The following ACAP3 variants were observed in gnomAD, a reference collection of about 807,000 sequenced individuals.
ACAP3 encodes arf-GAP with coiled-coil, ANK repeat and PH domain-containing protein 3.
In ACAP3, 56 loss-of-function variants were observed where a neutral mutation model predicts 104.1. The ratio of observed to expected loss-of-function variants is 0.54; its 90% CI spans 0.43 to 0.67. ACAP3 has a LOEUF of 0.67. Among genes scored for constraint, ACAP3 ranks in the 30% least tolerant of loss-of-function variants. ACAP3 has a pLI of 0.00. For synonymous variants in ACAP3, 628 were observed against 496.2 expected (o/e 1.27, Z -3.53); for missense variants, 1,208 against 1,174.9 (o/e 1.03, Z -0.41).
At chr1:1,295,044 G>A in intron 19 of ACAP3, 1 of 573,140 alleles carries the variant, frequency 1.7e-6, no homozygotes, top group South Asian at 2.2e-5. Context: ...AGGCCTTTTG[G>A]GAAGCCCTTC....
intron 1 of ACAP3, 151 bp from the exon 2 acceptor site, chr1:1,304,294 G>T: frequency 1.1e-6 from 1 of 949,414 alleles, no homozygotes; most frequent in Non-Finnish European, 1.6e-6. Flanking sequence ...TACGGGGGCA[G>T]GACTGGGACC....
intron 15 of ACAP3, 23 bp from the exon 16 acceptor site, chr1:1,296,303 A>G (rs781059689): frequency 6.4e-7 from 1 of 1,552,022 alleles, no homozygotes; most frequent in Non-Finnish European, 8.7e-7. Context: ...GGTAGGGATG[A>G]GTCTGGGGGA....
intron 1 of ACAP3, among the ~76,000 whole-genome samples, chr1:1,306,524 G>A (rs180745936): frequency 6.6e-6 from 1 of 152,224 alleles, no homozygotes; most frequent in East Asian, 1.9e-4. Context: ...CAGGGCTGGC[G>A]GCCACTCTCC....
At position 1,294,320 on chromosome 1, in the gene ACAP3, G is replaced by A. The variant is rs1337248526; in HGVS notation, c.2139+82C>T. 14 of 1,518,828 alleles carry A rather than the reference G, an allele frequency of 9.2e-6. No individual in the cohort carries two copies. In the Admixed American group the frequency reaches 2.7e-4, roughly 30 times the overall value. The allele number at this position is 1,518,828 out of a possible 1,614,324, so 94.1% of individuals were successfully genotyped here. On this transcript the variant is annotated intron_variant, in intron 21 of 23. Coordinates refer to ENST00000354700, the MANE Select transcript of ACAP3 (RefSeq NM_030649.3). ...CGAACGTGGTCCCCACCGCGGACAG[G>A]CGACCCTTGTGTGGGCGCCACAGAA...
At chr1:1,294,678 G>A in intron 20 of ACAP3, 40 bp downstream of exon 20, 1 of 1,544,480 alleles carries the variant, frequency 6.5e-7, no homozygotes, top group Non-Finnish European at 8.7e-7. Context: ...CTGCCCAGGG[G>A]CTGGGCAGGG....
intron 19 of ACAP3, 47 bp from the exon 20 acceptor site, chr1:1,294,863 T>C (rs1471119309): frequency 2.0e-6 from 3 of 1,534,856 alleles, no homozygotes; most frequent in Non-Finnish European, 2.6e-6. Flanking sequence ...AGGCCCAGAC[T>C]CCGTCCAGAG....
At chr1:1,305,955 C>T (rs557253485) in intron 1 of ACAP3, 2 of 152,422 alleles carry the variant, frequency 1.3e-5, no homozygotes, top group South Asian at 4.1e-4. Context: ...CCCACCCTGC[C>T]TGGCCCCCCA....
intron 5 of ACAP3, among the ~76,000 whole-genome samples, chr1:1,301,258 C>CTTT (rs869238177): frequency 2.4e-4 from 25 of 105,406 alleles, no homozygotes; most frequent in Middle Eastern, 5.9e-3. Context: ...TTGGGGGTGT[C>CTTT]TTTTTTTTTT....
rs1475926896 is a variant in ACAP3 at position 1,294,642 on chromosome 1, G to C, written c.1913-14C>G. 1 of 1,530,708 alleles carries C rather than the reference G, an allele frequency of 6.5e-7. No individual in the cohort carries two copies. 94.8% of individuals were successfully genotyped at this position (1,530,708 alleles called of 1,614,324 possible). A position where few individuals can be genotyped will look rare whatever the true frequency, so the allele number is the denominator to read the frequency against. ...ACTCTGCACCCTCTGTGGGGAGGGG[G>C]CGGTCAGGGAAAGCAACCCCCGGGG... On this transcript the variant is annotated splice_polypyrimidine_tract_variant and intron_variant, in intron 20 of 23. Coordinates refer to ENST00000354700, the MANE Select transcript of ACAP3 (RefSeq NM_030649.3).
chr1:1,299,833 G>C lies in ACAP3; in HGVS notation c.736C>G (p.Arg246Gly). The C allele has an allele frequency of 6.5e-7, 1 of 1,546,634 alleles. No homozygotes were observed. The highest frequency in any genetic ancestry group is 1.4e-5 in the African/African-American group (1 of 73,172). ...MERKHAAIQQ[R>G]TLLQDFSYDE... ...GGGAGCCGGCTGCGCGGCCTCACCC[G>C]CTGCTGGATGGCGGCGTGCTTTCGC... Residue 246 changes from arginine to glycine, a missense_variant and splice_region_variant, in exon 9 of 24, where the codon CGG becomes GGG. Coordinates refer to ENST00000354700, the MANE Select transcript of ACAP3 (RefSeq NM_030649.3).
chr1:1,306,996 C>T (rs1641747225), intron 1 of ACAP3: 8 of 446,372 alleles, frequency 1.8e-5, no homozygotes, highest in Admixed American at 9.9e-5. Flanking sequence ...GAGGGAGGCA[C>T]GCAGAGGGGC....
chr1:1,299,823 G>T lies in ACAP3; in HGVS notation c.738+8C>A. 6.5e-7 allele frequency: 1 copy of T among 1,542,964 alleles called. No individual in the cohort carries two copies. ...CTGGTGTGCAGGGAGCCGGCTGCGC[G>T]GCCTCACCCGCTGCTGGATGGCGGC... On this transcript the variant is annotated splice_region_variant and intron_variant, in intron 9 of 23. Transcript: ENST00000354700.
At chr1:1,301,899 G>A (rs1465674099) in intron 5 of ACAP3, 89 bp downstream of exon 5, 19 of 1,287,446 alleles carry the variant, frequency 1.5e-5, no homozygotes, top group Non-Finnish European at 2.0e-5. Context: ...CTGGGCCCAA[G>A]GTGCCTCTGC....
At chr1:1,301,722 A>C (rs2100461275) in intron 5 of ACAP3, 5 of 315,908 alleles carry the variant, frequency 1.6e-5, no homozygotes, top group South Asian at 1.0e-4. Context: ...CCCAGACCCC[A>C]GCCATGCCCC....
chr1:1,300,213 G>A lies in ACAP3; in HGVS notation c.523-11C>T. The A allele has an allele frequency of 1.2e-6, 2 of 1,602,796 alleles. No homozygotes were observed. The highest frequency in any genetic ancestry group is 1.7e-6 in the Non-Finnish European group (2 of 1,174,142). On this transcript the variant is annotated splice_polypyrimidine_tract_variant and intron_variant, in intron 6 of 23. Transcript: ENST00000354700. ...CTGCAGAACATTGATCTGCCAGAGG[G>A]GGAGCCCACAGGTGAGCCCCGGAGG...
rs1051626938 is a variant in ACAP3, at chr1:1,293,234, G to A, written c.*330C>T. 9.1e-5 allele frequency: 17 copies of A among 187,786 alleles called. No individual in the cohort carries two copies. Among genetic ancestry groups the A allele is most frequent in the African/African-American group, 3.3e-4 (14 of 42,278 alleles). The allele number at this position is 187,786 out of a possible 1,614,324, so 11.6% of individuals were successfully genotyped here. A position where few individuals can be genotyped will look rare whatever the true frequency, so the allele number is the denominator to read the frequency against. On this transcript the variant is annotated 3_prime_UTR_variant, in exon 24 of 24. Coordinates refer to ENST00000354700, the MANE Select transcript of ACAP3 (RefSeq NM_030649.3). ...GTAACACAGGCCCTGAGGACACAGG[G>A]ACACAGGTGACACGGGCCTTAAAAG...
intron 14 of ACAP3, among the ~76,000 whole-genome samples, chr1:1,297,066 T>C (rs1353683281): frequency 6.6e-6 from 1 of 152,238 alleles, no homozygotes; most frequent in Non-Finnish European, 1.5e-5. Flanking sequence ...CACAGGCGTG[T>C]GCACGTGTGT....
At chr1:1,296,183 C>T in intron 16 of ACAP3, 28 bp downstream of exon 16, 1 of 1,595,314 alleles carries the variant, frequency 6.3e-7, no homozygotes. Context: ...AAACGGGGTC[C>T]CGTGGCCTCC....
At position 1,293,945 on chromosome 1, in the gene ACAP3, G is replaced by A. The variant is rs1354411038; in HGVS notation, c.2250-12C>T. The A allele has an allele frequency of 1.9e-6, 3 of 1,567,258 alleles. No individual in the cohort carries two copies. Among genetic ancestry groups the A allele is most frequent in the Admixed American group, 1.8e-5 (1 of 55,496 alleles). On this transcript the variant is annotated splice_polypyrimidine_tract_variant and intron_variant, in intron 22 of 23. Transcript: ENST00000354700. ...ACAGGCAAACCTGGCTGAGGGGCGA[G>A]GTCGGAGGGGCGTGTCGGGGCGGGG... is the stretch of plus-strand genomic sequence containing the variant.
Sources: gnomAD v4.1 joint callset for allele counts (sites outside exome capture counted in the v4.1 genomes callset) on GRCh38, gnomAD v4.1.1 for gene constraint, MANE v1.5 for transcripts, NCBI Gene and HGNC (gene_info 2026-07-23, HGNC 2026-07-21) for gene names.